The following LRRTM3 variants were observed in gnomAD, a reference collection of about 807,000 sequenced individuals.
LRRTM3 encodes leucine-rich repeat transmembrane neuronal protein 3.
A neutral mutation model predicts 44.7 loss-of-function variants in LRRTM3; 24 were observed. The ratio of observed to expected loss-of-function variants is 0.54; its 90% CI spans 0.39 to 0.76. The LOEUF (loss-of-function observed/expected upper bound fraction) is 0.76. LRRTM3 is among the 30% of genes least tolerant of loss of function. The probability of loss-of-function intolerance (pLI) is 0.00; values close to 1 mark genes in which losing one functional copy is unlikely to be tolerated. For synonymous variants in LRRTM3, 277 were observed against 278.7 expected, an observed-to-expected ratio of 0.99 and a Z score of 0.06; for missense variants, 587 against 702.2, an observed-to-expected ratio of 0.84 and a Z score of 1.85.
intron 2 of LRRTM3, among the ~76,000 whole-genome samples, chr10:67,077,259 C>A (rs527564985): frequency 6.6e-6 from 1 of 152,296 alleles, no homozygotes; most frequent in African/African-American, 2.4e-5. Flanking sequence ...CCAGAATGAA[C>A]TTTTGTCAAT....
chr10:66,935,213 T>G (rs929807934), intron 2 of LRRTM3, among the ~76,000 whole-genome samples: 1 of 152,132 alleles, frequency 6.6e-6, no homozygotes, highest in Non-Finnish European at 1.5e-5. Flanking sequence ...AGGAAACTTG[T>G]AGAATGCATC....
intron 2 of LRRTM3, among the ~76,000 whole-genome samples, chr10:66,989,012 T>A (rs1230060877): frequency 1.3e-5 from 2 of 151,212 alleles, no homozygotes; most frequent in South Asian, 4.2e-4. Flanking sequence ...AAAAAAAAAA[T>A]CCCTTTTCTA....
At chr10:67,040,235 C>T (rs1219740326) in intron 2 of LRRTM3, among the ~76,000 whole-genome samples, 2 of 152,058 alleles carry the variant, frequency 1.3e-5, no homozygotes, top group African/African-American at 4.8e-5. Flanking sequence ...TTGACATTTG[C>T]TCGGTCTACA....
chr10:67,058,956 G>T (rs76423428), intron 2 of LRRTM3, among the ~76,000 whole-genome samples: 8,355 of 152,228 alleles, frequency 0.055, 331 homozygotes, highest in South Asian at 0.19. Context: ...AAAAAGGCAA[G>T]AAATTATTTT....
chr10:67,045,014 T>A (rs1260658071), intron 2 of LRRTM3, among the ~76,000 whole-genome samples: 10 of 152,234 alleles, frequency 6.6e-5, no homozygotes, highest in African/African-American at 2.4e-4. Flanking sequence ...CAATAAATGT[T>A]AATCCCCCCA....
At chr10:66,979,958 G>T (rs1458707665) in intron 2 of LRRTM3, among the ~76,000 whole-genome samples, 1 of 152,162 alleles carries the variant, frequency 6.6e-6, no homozygotes, top group African/African-American at 2.4e-5. Context: ...ACACCAGGGG[G>T]TTCCATCAAG....
chr10:67,004,445 A>G (rs1410758788), intron 2 of LRRTM3, among the ~76,000 whole-genome samples: 1 of 152,210 alleles, frequency 6.6e-6, no homozygotes, highest in Non-Finnish European at 1.5e-5. Flanking sequence ...GCCCCATGGC[A>G]TGGTGTCTGA....
At chr10:66,983,048 A>G (rs1233014212) in intron 2 of LRRTM3, among the ~76,000 whole-genome samples, 2 of 152,238 alleles carry the variant, frequency 1.3e-5, no homozygotes, top group Non-Finnish European at 2.9e-5. Flanking sequence ...GCGACTGCCG[A>G]ACTTCCTGGT....
intron 2 of LRRTM3, among the ~76,000 whole-genome samples, chr10:66,970,796 A>G (rs939134342): frequency 3.2e-4 from 49 of 152,196 alleles, no homozygotes; most frequent in Admixed American, 3.1e-3. Flanking sequence ...GAATTATACC[A>G]AAAAAGAGAC....
At chr10:66,940,896 G>T (rs1260018485) in intron 2 of LRRTM3, among the ~76,000 whole-genome samples, 1 of 152,134 alleles carries the variant, frequency 6.6e-6, no homozygotes, top group Non-Finnish European at 1.5e-5. Flanking sequence ...GTTTCTGTAT[G>T]CTCCAATAAC....
At chr10:66,955,104 C>T (rs1315851391) in intron 2 of LRRTM3, among the ~76,000 whole-genome samples, 19 of 152,096 alleles carry the variant, frequency 1.2e-4, no homozygotes, top group Admixed American at 8.5e-4. Flanking sequence ...GGAAGACTTC[C>T]TCTAACCTCT....
chr10:67,071,503 GT>G (rs755653014), intron 2 of LRRTM3, among the ~76,000 whole-genome samples: 3 of 108,736 alleles, frequency 2.8e-5, no homozygotes, highest in East Asian at 2.6e-4. Flanking sequence ...GCTCTTTAAA[GT>G]TTTTTTTGTT....
intron 2 of LRRTM3, among the ~76,000 whole-genome samples, chr10:66,958,308 CAAAAAAAAAAAA>C (rs35076056): frequency 5.8e-5 from 5 of 86,946 alleles, no homozygotes; most frequent in African/African-American, 2.0e-4. Context: ...TGCTTTCTTG[CAAAAAAAAAAAA>C]AAAAAAAAAA....
At chr10:66,993,871 C>T (rs1308971402) in intron 2 of LRRTM3, among the ~76,000 whole-genome samples, 6 of 151,832 alleles carry the variant, frequency 4.0e-5, no homozygotes, top group African/African-American at 9.7e-5. Flanking sequence ...TCTTCTTATC[C>T]GATTTATTCT....
intron 2 of LRRTM3, among the ~76,000 whole-genome samples, chr10:66,976,333 C>A (rs1464443249): frequency 6.6e-6 from 1 of 152,140 alleles, no homozygotes; most frequent in Non-Finnish European, 1.5e-5. Context: ...AATTAAGGAA[C>A]TGGTAAGGCA....
At chr10:67,006,360 A>T (rs548229010) in intron 2 of LRRTM3, among the ~76,000 whole-genome samples, 27 of 152,224 alleles carry the variant, frequency 1.8e-4, no homozygotes, top group African/African-American at 6.5e-4. Flanking sequence ...AACTTTGCAA[A>T]AGTCGAAGCT....
At chr10:67,047,578 T>C (rs1395434554) in intron 2 of LRRTM3, among the ~76,000 whole-genome samples, 1 of 152,162 alleles carries the variant, frequency 6.6e-6, no homozygotes, top group Non-Finnish European at 1.5e-5. Flanking sequence ...CTTCTACCTT[T>C]ACCTTCATCG....
intron 2 of LRRTM3, among the ~76,000 whole-genome samples, chr10:67,073,746 C>CA (rs911013308): frequency 6.6e-5 from 10 of 151,808 alleles, no homozygotes; most frequent in East Asian, 3.9e-4. Flanking sequence ...AAATAGAGAT[C>CA]AAAAAAATGA....
At chr10:66,952,509 C>G (rs765197709) in intron 2 of LRRTM3, among the ~76,000 whole-genome samples, 49 of 152,104 alleles carry the variant, frequency 3.2e-4, no homozygotes, top group Middle Eastern at 3.4e-3. Flanking sequence ...GATATCATAC[C>G]TAATGGAAAA....
Sources: allele counts gnomAD v4.1 joint callset (sites outside exome capture counted in the v4.1 genomes callset), GRCh38; gene constraint gnomAD v4.1.1; transcripts MANE v1.5; gene names NCBI Gene and HGNC (gene_info 2026-07-23, HGNC 2026-07-21).